CABYR: variants seen among roughly 807,000 people sequenced by gnomAD.
CABYR encodes calcium binding tyrosine phosphorylation regulated, also known as calcium-binding tyrosine phosphorylation-regulated protein.
Under a neutral mutation model 36.1 loss-of-function variants are expected in CABYR, and 31 were observed. That is an observed-to-expected ratio of 0.86 (90% CI 0.64 to 1.16). The LOEUF (loss-of-function observed/expected upper bound fraction) is 1.16. Among genes scored for constraint, CABYR ranks in the 50% most tolerant of loss-of-function variants. The pLI is 0.00. For missense variants in CABYR, 429 were observed against 455.8 expected, an observed-to-expected ratio of 0.94 and a Z score of 0.53; for synonymous variants, 146 against 160.7, an observed-to-expected ratio of 0.91 and a Z score of 0.69.
intron 1 of CABYR, among the ~76,000 whole-genome samples, chr18:24,141,830 CA>C (rs2085328717): frequency 1.3e-5 from 2 of 151,774 alleles, no homozygotes. Flanking sequence ...GGCAGAAAGG[CA>C]GAAGGGGAAA....
At chr18:24,144,639 C>G (rs1471530137) in intron 3 of CABYR, among the ~76,000 whole-genome samples, 6 of 152,092 alleles carry the variant, frequency 3.9e-5, no homozygotes, top group Non-Finnish European at 8.8e-5. Flanking sequence ...CACCCAGAGA[C>G]CAGTTATGCC....
chr18:24,148,933 G>C (rs1435194621), intron 3 of CABYR, among the ~76,000 whole-genome samples: 1 of 152,174 alleles, frequency 6.6e-6, no homozygotes, highest in East Asian at 1.9e-4. Context: ...AAGGGGACTT[G>C]AGCGGGTTGC....
intron 3 of CABYR, among the ~76,000 whole-genome samples, chr18:24,147,028 A>T (rs1316152953): frequency 3.3e-5 from 5 of 152,156 alleles, no homozygotes; most frequent in African/African-American, 4.8e-5. Flanking sequence ...ATGGTGGTTC[A>T]TGCCTGCAAT....
At chr18:24,151,988 C>A (rs1165940230) in intron 3 of CABYR, among the ~76,000 whole-genome samples, 1 of 152,144 alleles carries the variant, frequency 6.6e-6, no homozygotes, top group East Asian at 1.9e-4. Flanking sequence ...TCGTGCCTGA[C>A]CTAGTGTTTG....
chr18:24,155,144 T>C (rs573897498), intron 3 of CABYR, among the ~76,000 whole-genome samples: 58 of 152,336 alleles, frequency 3.8e-4, no homozygotes, highest in African/African-American at 1.4e-3. Context: ...GATGAAATAA[T>C]TTATTGCCCA....
chr18:24,139,174 C>T (rs1210061439), intron 1 of CABYR, 56 bp downstream of exon 1: 2 of 150,380 alleles, frequency 1.3e-5, no homozygotes, highest in East Asian at 4.0e-4. Context: ...CATTATGTCT[C>T]AGGGAGTCTC....
rs368748478 is a variant in CABYR at position 24,152,582 on chromosome 18, TC to T, written c.200-3117del. The T allele has an allele frequency of 4.1e-3, 627 of 152,334 alleles. 7 individuals carry two copies. Among genetic ancestry groups the T allele is most frequent in the African/African-American group, 0.014 (594 of 41,558 alleles). 9.4% of individuals were successfully genotyped at this position (152,334 alleles called of 1,614,324 possible). On this transcript the variant is annotated intron_variant, in intron 3 of 5. Coordinates refer to ENST00000399496, the MANE Select transcript of CABYR (RefSeq NM_153769.3). The stretch of plus-strand genomic sequence containing the variant: ...GGATGTTTTTGTTTAGCAGGGGACT[TC>T]CAGAGACAAAAATATTGAGCTTTTT...
chr18:24,145,131 C>G (rs2085427601), intron 3 of CABYR, among the ~76,000 whole-genome samples: 1 of 152,190 alleles, frequency 6.6e-6, no homozygotes, highest in Non-Finnish European at 1.5e-5. Flanking sequence ...CCTTTCAACT[C>G]CTTTTTCTAC....
In CABYR at chr18:24,159,460, T is replaced by A. The variant is rs773705379; in HGVS notation, c.542-12T>A. 1.9e-6 allele frequency: 3 copies of A among 1,602,898 alleles called. No homozygotes were observed. The Admixed American group carries it at 5.2e-5, about 28-fold the overall frequency. ...ACCAAAACTTTAATTCCTGCAAAAT[T>A]TTTTTTTATAGCAATGGCAACAAGT... On this transcript the variant is annotated splice_polypyrimidine_tract_variant and intron_variant, in intron 4 of 5. Transcript: ENST00000399496.
chr18:24,142,526 T>C (rs2085349334), intron 1 of CABYR, among the ~76,000 whole-genome samples: 1 of 152,036 alleles, frequency 6.6e-6, no homozygotes, highest in East Asian at 1.9e-4. Context: ...GCAGGTCTTG[T>C]TTTTTGTTCT....
At chr18:24,161,037 T>C (rs993107057) in intron 5 of CABYR, among the ~76,000 whole-genome samples, 3 of 152,198 alleles carry the variant, frequency 2.0e-5, no homozygotes, top group South Asian at 4.1e-4. Flanking sequence ...GAATGACTGA[T>C]TGCTGTTTTT....
intron 3 of CABYR, among the ~76,000 whole-genome samples, chr18:24,150,186 C>T (rs1333588951): frequency 6.6e-6 from 1 of 152,234 alleles, no homozygotes; most frequent in Non-Finnish European, 1.5e-5. Flanking sequence ...TGCCAAACTG[C>T]ATTTGGTGTT....
chr18:24,143,324 G>A (rs1222067809), intron 2 of CABYR, 36 bp from the exon 3 acceptor site: 5 of 1,594,508 alleles, frequency 3.1e-6, no homozygotes, highest in African/African-American at 1.4e-5. Context: ...GGAATTTCAT[G>A]TATCTGTATT....
At chr18:24,160,457 TAA>T (rs1383002274) in intron 5 of CABYR, among the ~76,000 whole-genome samples, 1 of 152,118 alleles carries the variant, frequency 6.6e-6, no homozygotes, top group African/African-American at 2.4e-5. Flanking sequence ...AAGAGCAAGG[TAA>T]GAGAGAAAGT....
At chr18:24,147,609 G>C (rs2085492444) in intron 3 of CABYR, among the ~76,000 whole-genome samples, 1 of 151,660 alleles carries the variant, frequency 6.6e-6, no homozygotes. Context: ...AGAGGAGAGG[G>C]TATATGGGAC....
In CABYR at chr18:24,159,551, AC is replaced by A. The variant is rs767330011; in HGVS notation, c.622del (p.Gln208LysfsTer41). ...TTTATTGTCTAACTGATAAGAATCA[AC>A]AAGGTCACCCATCACCGCCACCTGC... ...TLYCLTDKNQ[Q>X]GHPSPPPAPG... On this transcript the variant is annotated frameshift_variant, in exon 5 of 6. Coordinates refer to ENST00000399496, the MANE Select transcript of CABYR (RefSeq NM_153769.3). LOFTEE classifies it high-confidence loss of function. The A allele has an allele frequency of 4.5e-5, 73 of 1,614,046 alleles. No individual in the cohort carries two copies. Among genetic ancestry groups the A allele is most frequent in the Non-Finnish European group, 6.0e-5 (71 of 1,180,044 alleles).
intron 4 of CABYR, among the ~76,000 whole-genome samples, chr18:24,159,183 C>T (rs2085879741): frequency 6.6e-6 from 1 of 152,284 alleles, no homozygotes; most frequent in African/African-American, 2.4e-5. Context: ...CTATAGAAGC[C>T]ACGTCTAAAG....
At chr18:24,156,524 A>G in intron 4 of CABYR, 1 of 1,614,176 alleles carries the variant, frequency 6.2e-7, no homozygotes, top group Non-Finnish European at 8.5e-7. Flanking sequence ...AGTCACCACG[A>G]GTTAGTCCCA....
chr18:24,140,673 C>A (rs1426107759), intron 1 of CABYR, among the ~76,000 whole-genome samples: 6 of 152,098 alleles, frequency 3.9e-5, no homozygotes, highest in African/African-American at 1.4e-4. Context: ...TAACCAGCCC[C>A]ACTTTCCCCC....
Sources: allele counts gnomAD v4.1 joint callset (sites outside exome capture counted in the v4.1 genomes callset), GRCh38; gene constraint gnomAD v4.1.1; transcripts MANE v1.5; gene names NCBI Gene and HGNC (gene_info 2026-07-23, HGNC 2026-07-21).